The following FRMD5 variants were observed in gnomAD, a reference collection of about 807,000 sequenced individuals.
FRMD5 encodes FERM domain containing 5.
A neutral mutation model predicts 69.0 loss-of-function variants in FRMD5; 20 were observed. The ratio of observed to expected loss-of-function variants is 0.29; its 90% CI spans 0.20 to 0.42. FRMD5 has a LOEUF of 0.42. FRMD5 is among the 10% of genes least tolerant of loss of function. FRMD5 has a pLI of 1.00. For synonymous variants in FRMD5, 271 were observed against 260.1 expected (o/e 1.04, Z -0.40); for missense variants, 595 against 708.6 (o/e 0.84, Z 1.82).
chr15:43,990,084 G>T, intron 1 of FRMD5: 1 of 689,356 alleles, frequency 1.5e-6, no homozygotes. Context: ...GCCCCACAAT[G>T]AAGGGGAAGA....
intron 1 of FRMD5, among the ~76,000 whole-genome samples, chr15:43,949,024 A>C (rs2089987689): frequency 6.6e-6 from 1 of 152,240 alleles, no homozygotes; most frequent in African/African-American, 2.4e-5. Flanking sequence ...GGACCTCTTC[A>C]TGGGACACTT....
chr15:44,167,780 G>A (rs939578178), intron 1 of FRMD5, among the ~76,000 whole-genome samples: 1 of 152,050 alleles, frequency 6.6e-6, no homozygotes, highest in Non-Finnish European at 1.5e-5. Flanking sequence ...TAGTAGGGAC[G>A]GGGTTTCGCT....
intron 1 of FRMD5, among the ~76,000 whole-genome samples, chr15:44,050,096 C>G (rs1354408854): frequency 6.6e-6 from 1 of 152,018 alleles, no homozygotes; most frequent in East Asian, 1.9e-4. Flanking sequence ...TTTAGGAACA[C>G]CAGAAGATTA....
At chr15:44,081,940 C>T (rs1201604167) in intron 1 of FRMD5, among the ~76,000 whole-genome samples, 3 of 151,936 alleles carry the variant, frequency 2.0e-5, no homozygotes, top group Non-Finnish European at 4.4e-5. Flanking sequence ...ACGTCAACAC[C>T]AATATCCTAA....
intron 1 of FRMD5, among the ~76,000 whole-genome samples, chr15:43,986,073 TGTGA>T (rs1490746211): frequency 1.3e-5 from 2 of 152,232 alleles, no homozygotes; most frequent in African/African-American, 4.8e-5. Context: ...GTTTATTAAC[TGTGA>T]GTAATTACAT....
intron 1 of FRMD5, among the ~76,000 whole-genome samples, chr15:43,926,283 T>C (rs1264026727): frequency 6.6e-6 from 1 of 152,214 alleles, no homozygotes; most frequent in African/African-American, 2.4e-5. Context: ...ATCGCTGGCC[T>C]GTCCCCAGTG....
chr15:44,014,926 G>A (rs1179192207), intron 1 of FRMD5, among the ~76,000 whole-genome samples: 4 of 152,146 alleles, frequency 2.6e-5, no homozygotes, highest in African/African-American at 7.2e-5. Context: ...AAAACTATAG[G>A]TTTCCTAGGG....
intron 2 of FRMD5, among the ~76,000 whole-genome samples, chr15:43,921,828 G>C (rs766302445): frequency 5.9e-5 from 9 of 152,220 alleles, no homozygotes; most frequent in Non-Finnish European, 1.3e-4. Flanking sequence ...AGGCATCCTG[G>C]GGAAGGAAAG....
chr15:43,912,612 A>G (rs2089309156), intron 4 of FRMD5, among the ~76,000 whole-genome samples: 1 of 152,030 alleles, frequency 6.6e-6, no homozygotes, highest in South Asian at 2.1e-4. Context: ...GAGATATTAC[A>G]AAGGGATAAC....
At chr15:44,058,579 G>C (rs1892963180) in intron 1 of FRMD5, among the ~76,000 whole-genome samples, 1 of 152,116 alleles carries the variant, frequency 6.6e-6, no homozygotes, top group Non-Finnish European at 1.5e-5. Context: ...AACGTCGGGA[G>C]ATCGAGACCA....
chr15:44,067,563 T>C (rs1391346196), intron 1 of FRMD5, among the ~76,000 whole-genome samples: 6 of 152,142 alleles, frequency 3.9e-5, no homozygotes, highest in Non-Finnish European at 8.8e-5. Flanking sequence ...CTGTTCCTCA[T>C]GGATCATGCC....
intron 10 of FRMD5, among the ~76,000 whole-genome samples, chr15:43,886,397 C>G (rs1007735849): frequency 1.3e-5 from 2 of 152,162 alleles, no homozygotes; most frequent in Non-Finnish European, 2.9e-5. Flanking sequence ...GAATTTGGAG[C>G]CTTTCTCCCT....
chr15:44,105,997 TA>T (rs1209617417), intron 1 of FRMD5, among the ~76,000 whole-genome samples: 2 of 152,208 alleles, frequency 1.3e-5, no homozygotes, highest in African/African-American at 4.8e-5. Flanking sequence ...GGGTTACTTA[TA>T]ATACCTAATA....
intron 1 of FRMD5, among the ~76,000 whole-genome samples, chr15:44,068,843 G>A (rs1893416654): frequency 6.6e-6 from 1 of 152,098 alleles, no homozygotes; most frequent in South Asian, 2.1e-4. Context: ...ATTTTCTCAG[G>A]CTACAACACA....
intron 1 of FRMD5, chr15:44,194,448 C>T (rs1428198999): frequency 4.8e-6 from 1 of 209,960 alleles, no homozygotes; most frequent in Admixed American, 5.8e-5. Context: ...TTCAGTTCTA[C>T]CTTCTGAAAG....
intron 13 of FRMD5, among the ~76,000 whole-genome samples, chr15:43,877,794 G>C (rs2088406259): frequency 6.6e-6 from 1 of 152,166 alleles, no homozygotes; most frequent in African/African-American, 2.4e-5. Context: ...AAGGTAGTGA[G>C]GGCAAGAGGT....
At chr15:44,116,306 C>T (rs899756493) in intron 1 of FRMD5, among the ~76,000 whole-genome samples, 97 of 151,630 alleles carry the variant, frequency 6.4e-4, no homozygotes, top group African/African-American at 2.2e-3. Context: ...TTTGCCCAGG[C>T]TGGAGGGCAG....
chr15:44,168,122 G>A (rs928128999), intron 1 of FRMD5, among the ~76,000 whole-genome samples: 4 of 152,122 alleles, frequency 2.6e-5, no homozygotes, highest in African/African-American at 9.7e-5. Flanking sequence ...TTAACTGTTA[G>A]GACAACCGTT....
chr15:44,087,161 G>C (rs1894231412), intron 1 of FRMD5, among the ~76,000 whole-genome samples: 2 of 152,194 alleles, frequency 1.3e-5, no homozygotes, highest in Admixed American at 1.3e-4. Context: ...TGGGATTACA[G>C]GTGTGTGGTA....
Sources: allele counts gnomAD v4.1 joint callset (sites outside exome capture counted in the v4.1 genomes callset), GRCh38; gene constraint gnomAD v4.1.1; transcripts MANE v1.5; gene names NCBI Gene and HGNC (gene_info 2026-07-23, HGNC 2026-07-21).